The following STEEP1 variants were observed in gnomAD, a reference collection of about 807,000 sequenced individuals.
STEEP1 encodes the protein STING1 ER exit protein 1.
In STEEP1, 3 loss-of-function variants were observed where a neutral mutation model predicts 19.2. That is an observed-to-expected ratio of 0.16 (90% CI 0.07 to 0.40). The LOEUF (loss-of-function observed/expected upper bound fraction) is 0.40. Ranked by LOEUF, STEEP1 falls within the 10% of genes least tolerant of loss-of-function variation. The pLI is 0.99. For synonymous variants in STEEP1, 46 were observed against 63.7 expected, an observed-to-expected ratio of 0.72 and a Z score of 1.32; for missense variants, 54 against 177.1, an observed-to-expected ratio of 0.30 and a Z score of 3.94.
chrX:119,561,586 T>G (rs2053321034), intron 1 of STEEP1, among the ~76,000 whole-genome samples: 1 of 109,736 alleles, frequency 9.1e-6, no homozygotes. Context: ...GAGAATCGCT[T>G]GAACCCAGGA....
chrX:119,555,408 T>G (rs943978000), intron 2 of STEEP1, among the ~76,000 whole-genome samples: 7 of 110,813 alleles, frequency 6.3e-5, no homozygotes, highest in African/African-American at 2.3e-4. Flanking sequence ...GAGGAGTCCT[T>G]AATGGATTGG....
At chrX:119,562,418 A>C (rs1603307085) in intron 1 of STEEP1, among the ~76,000 whole-genome samples, 1 of 110,591 alleles carries the variant, frequency 9.0e-6, no homozygotes, top group Non-Finnish European at 1.9e-5. Flanking sequence ...CTGTAATCCC[A>C]GCTACTCGGG....
At chrX:119,559,658 C>T (rs771609699) in intron 2 of STEEP1, among the ~76,000 whole-genome samples, 4 of 111,855 alleles carry the variant, frequency 3.6e-5, no homozygotes, top group Non-Finnish European at 5.6e-5. Context: ...AGATCCAGTA[C>T]CTAGCTCAGT....
At chrX:119,540,040 G>T (rs771688031) in intron 6 of STEEP1, among the ~76,000 whole-genome samples, 1 of 111,627 alleles carries the variant, frequency 9.0e-6, no homozygotes, top group East Asian at 2.8e-4. Flanking sequence ...AATCAGCGCA[G>T]GGATTCCAGC....
At chrX:119,550,836 T>C (rs1376764391) in intron 2 of STEEP1, among the ~76,000 whole-genome samples, 1 of 110,862 alleles carries the variant, frequency 9.0e-6, no homozygotes, top group Non-Finnish European at 1.9e-5. Flanking sequence ...TTAATTTTTG[T>C]GTTTTTAGTA....
chrX:119,545,510 C>A lies in STEEP1; in HGVS notation c.243-6G>T, dbSNP rs751910333. On this transcript the variant is annotated splice_region_variant and splice_polypyrimidine_tract_variant and intron_variant, in intron 2 of 6. Coordinates refer to ENST00000644802, the MANE Select transcript of STEEP1 (RefSeq NM_022101.4). Reference sequence around the variant, plus strand: ...GTCGTTCAATGCCTTCAGGTCTGCACAGAAAATGGAAGTTAAAAAGATATG... The same window carrying A: ...GTCGTTCAATGCCTTCAGGTCTGCAAAGAAAATGGAAGTTAAAAAGATATG... 1 of 1,148,493 alleles carries A rather than the reference C, an allele frequency of 8.7e-7. No homozygotes were observed. The highest frequency in any genetic ancestry group is 1.8e-5 in the African/African-American group (1 of 56,154). 94.6% of individuals were successfully genotyped at this position (1,148,493 alleles called of 1,213,427 possible).
chrX:119,543,118 T>C (rs952110477), intron 4 of STEEP1, among the ~76,000 whole-genome samples: 1 of 109,668 alleles, frequency 9.1e-6, no homozygotes, highest in Non-Finnish European at 1.9e-5. Flanking sequence ...TGCCTTGGCC[T>C]CCCAAAGTGC....
intron 6 of STEEP1, 55 bp from the exon 7 acceptor site, chrX:119,539,844 T>G (rs1355524650): frequency 9.1e-6 from 9 of 989,607 alleles, no homozygotes; most frequent in Non-Finnish European, 1.1e-5. Flanking sequence ...TTATTTTCCT[T>G]CCTTATTCTA....
chrX:119,541,860 C>G (rs1392313817), intron 5 of STEEP1, among the ~76,000 whole-genome samples: 1 of 111,750 alleles, frequency 8.9e-6, no homozygotes, highest in Non-Finnish European at 1.9e-5. Flanking sequence ...TGGAAGGAAA[C>G]TGAAATCTTT....
chrX:119,559,660 TAGCTCA>T (rs1453253962), intron 2 of STEEP1, among the ~76,000 whole-genome samples: 1 of 111,894 alleles, frequency 8.9e-6, no homozygotes, highest in Non-Finnish European at 1.9e-5. Context: ...ATCCAGTACC[TAGCTCA>T]GTGCCTGGCA....
chrX:119,541,216 C>G, intron 6 of STEEP1, 112 bp downstream of exon 6: 1 of 532,892 alleles, frequency 1.9e-6, no homozygotes, highest in Non-Finnish European at 3.3e-6. Flanking sequence ...GCCAACTACT[C>G]TAAAACCTCC....
chrX:119,564,445 G>A (rs766410583), intron 1 of STEEP1, among the ~76,000 whole-genome samples: 26 of 93,675 alleles, frequency 2.8e-4, no homozygotes, highest in African/African-American at 9.7e-4. Context: ...GCAGTGAGCC[G>A]AGATTGCACC....
At chrX:119,559,150 G>A (rs922739110) in intron 2 of STEEP1, among the ~76,000 whole-genome samples, 26 of 109,728 alleles carry the variant, frequency 2.4e-4, no homozygotes, top group African/African-American at 7.7e-4. Context: ...CCTGGGAGGC[G>A]GAGGTTGCAG....
rs747034781 is a variant in STEEP1 at position 119,541,374 on chromosome X, T to C, written c.560A>G (p.Lys187Arg). The change falls in exon 6 of 7, where the codon AAA becomes AGA. Residue 187 changes from lysine (K) to arginine (R), a missense_variant. This residue lies in a region of STEEP1 where 7 missense variants were observed against 58.6 expected (regional missense o/e 0.12). Transcript: ENST00000644802. ...GCTCATGCCTTTGCGCTCCAGCTGT[T>C]TTTCAATCACTTTGGCATTCTGTGC... ...SYAQNAKVIEKQLERKGMSKR... is the reference protein window; with the variant it reads ...SYAQNAKVIERQLERKGMSKR... 10 of 1,203,910 alleles carry C rather than the reference T, an allele frequency of 8.3e-6. No homozygotes were observed. The highest frequency in any genetic ancestry group is 1.1e-5 in the Non-Finnish European group (10 of 888,570).
chrX:119,542,050 CTTTTCTTTTTTTTTTTT>C, intron 5 of STEEP1, among the ~76,000 whole-genome samples: 1 of 53,785 alleles, frequency 1.9e-5, no homozygotes, highest in Admixed American at 2.5e-4. Flanking sequence ...AGTTTCTTTT[CTTTTCTTTTTTTTTTTT>C]TTTTTTTTTT....
In STEEP1 at chrX:119,539,593, T is replaced by C. The variant is rs1397473373; in HGVS notation, c.*134A>G. 1.7e-5 allele frequency: 8 copies of C among 463,854 alleles called. No homozygotes were observed. The highest frequency in any genetic ancestry group is 2.6e-5 in the Non-Finnish European group (7 of 269,328). The allele number at this position is 463,854 out of a possible 1,213,427, so 38.2% of individuals were successfully genotyped here. ...ACTCAGTTAAAGACCTCACTGAATG[T>C]AGGAGAATCAATGGGAAACAACGTA... On this transcript the variant is annotated 3_prime_UTR_variant, in exon 7 of 7. Transcript: ENST00000644802.
At chrX:119,558,270 C>T (rs373722581) in intron 2 of STEEP1, among the ~76,000 whole-genome samples, 177 of 111,036 alleles carry the variant, frequency 1.6e-3, no homozygotes, top group African/African-American at 5.4e-3. Flanking sequence ...CACGATGGCT[C>T]ACGTCTGTAA....
intron 2 of STEEP1, among the ~76,000 whole-genome samples, chrX:119,553,164 AAAGT>A (rs1569400241): frequency 9.3e-6 from 1 of 107,851 alleles, no homozygotes. Flanking sequence ...AAAAAAAAAA[AAAGT>A]GGAAAACAGA....
chrX:119,560,902 G>A (rs1026583867), intron 1 of STEEP1, among the ~76,000 whole-genome samples: 5 of 108,940 alleles, frequency 4.6e-5, no homozygotes, highest in East Asian at 2.9e-4. Flanking sequence ...GAGGCAGGGC[G>A]ATTGCTTGAG....
Sources: gnomAD v4.1 joint callset for allele counts (sites outside exome capture counted in the v4.1 genomes callset) on GRCh38, gnomAD v4.1.1 for gene constraint, gnomAD v4.1.1 regional missense constraint, MANE v1.5 for transcripts, NCBI Gene and HGNC (gene_info 2026-07-23, HGNC 2026-07-21) for gene names.